The following DLG2 variants were observed in gnomAD, a reference collection of about 807,000 sequenced individuals.
The protein encoded by DLG2 is discs large MAGUK scaffold protein 2.
DLG2 carries 45 observed loss-of-function variants against 132.5 expected under a neutral mutation model. The ratio of observed to expected loss-of-function variants is 0.34; its 90% CI spans 0.27 to 0.44. The LOEUF (loss-of-function observed/expected upper bound fraction) is 0.44, where lower values mean the gene tolerates loss of function less well. Among genes scored for constraint, DLG2 ranks in the 20% least tolerant of loss-of-function variants. The probability of loss-of-function intolerance (pLI) is 1.00; values close to 1 mark genes in which losing one functional copy is unlikely to be tolerated. For missense variants in DLG2, 1,045 were observed against 1,196.9 expected (o/e 0.87, Z 1.87); for synonymous variants, 424 against 419.6 (o/e 1.01, Z -0.13).
intron 15 of DLG2, among the ~76,000 whole-genome samples, chr11:83,884,723 C>T (rs1297621888): frequency 1.3e-5 from 2 of 152,178 alleles, no homozygotes; most frequent in Non-Finnish European, 2.9e-5. Context: ...ACACCTCACA[C>T]AGCCAGATAC....
At chr11:84,662,548 C>T (rs1020381085) in intron 6 of DLG2, among the ~76,000 whole-genome samples, 1 of 151,682 alleles carries the variant, frequency 6.6e-6, no homozygotes, top group South Asian at 2.1e-4. Flanking sequence ...CTTTGGGAGG[C>T]CAAGGAGGGC....
At chr11:84,093,890 C>T (rs1214391267) in intron 10 of DLG2, among the ~76,000 whole-genome samples, 2 of 152,144 alleles carry the variant, frequency 1.3e-5, no homozygotes, top group African/African-American at 2.4e-5. Flanking sequence ...GCTGGGATTA[C>T]AGGCATGAGC....
At chr11:85,606,724 C>T (rs2080577990) in intron 2 of DLG2, among the ~76,000 whole-genome samples, 1 of 152,204 alleles carries the variant, frequency 6.6e-6, no homozygotes, top group African/African-American at 2.4e-5. Context: ...AGCTATAACA[C>T]TCACTGCGAA....
intron 3 of DLG2, among the ~76,000 whole-genome samples, chr11:85,440,734 A>C (rs895658497): frequency 2.0e-5 from 3 of 152,220 alleles, no homozygotes; most frequent in Non-Finnish European, 4.4e-5. Flanking sequence ...CTTGTCTAAC[A>C]GTATATTAAA....
At chr11:83,518,550 G>T (rs533218831) in intron 21 of DLG2, among the ~76,000 whole-genome samples, 2 of 152,264 alleles carry the variant, frequency 1.3e-5, no homozygotes, top group East Asian at 3.9e-4. Flanking sequence ...CCCGCTATCC[G>T]ACAATCCCCA....
At chr11:85,488,685 A>C (rs540018852) in intron 3 of DLG2, among the ~76,000 whole-genome samples, 1 of 152,328 alleles carries the variant, frequency 6.6e-6, no homozygotes, top group East Asian at 1.9e-4. Flanking sequence ...ATGGGCCAGA[A>C]GAGAATGGAA....
At chr11:84,938,249 C>T (rs967822528) in intron 6 of DLG2, among the ~76,000 whole-genome samples, 3 of 152,110 alleles carry the variant, frequency 2.0e-5, no homozygotes, top group Non-Finnish European at 4.4e-5. Context: ...TAGCATCTTC[C>T]ACAGGGTTCT....
chr11:84,721,934 T>C (rs568896924), intron 6 of DLG2, among the ~76,000 whole-genome samples: 1 of 152,326 alleles, frequency 6.6e-6, no homozygotes, highest in East Asian at 1.9e-4. Flanking sequence ...TTAACTTACA[T>C]AGCTTATTTC....
At chr11:84,674,304 C>A (rs192928408) in intron 6 of DLG2, among the ~76,000 whole-genome samples, 1 of 152,206 alleles carries the variant, frequency 6.6e-6, no homozygotes, top group East Asian at 1.9e-4. Flanking sequence ...AATCTCAAAT[C>A]CAATATGTCA....
intron 6 of DLG2, among the ~76,000 whole-genome samples, chr11:84,732,343 T>C (rs905151626): frequency 6.6e-6 from 1 of 152,046 alleles, no homozygotes; most frequent in Non-Finnish European, 1.5e-5. Flanking sequence ...ACTGTTAAAT[T>C]GATTTTCAAA....
upstream of DLG2, among the ~76,000 whole-genome samples, chr11:85,628,129 C>G (rs1362860607): frequency 6.6e-6 from 1 of 152,150 alleles, no homozygotes; most frequent in African/African-American, 2.4e-5. Context: ...GCTGCTCTGA[C>G]GGCGCTGGGC....
At chr11:84,601,982 T>C (rs927601487) in intron 6 of DLG2, among the ~76,000 whole-genome samples, 4 of 152,008 alleles carry the variant, frequency 2.6e-5, no homozygotes, top group South Asian at 2.1e-4. Context: ...AAGAGTAGCA[T>C]AAATTCCAGA....
At chr11:84,629,710 C>A (rs1305444565) in intron 6 of DLG2, among the ~76,000 whole-genome samples, 1 of 151,954 alleles carries the variant, frequency 6.6e-6, no homozygotes, top group African/African-American at 2.4e-5. Context: ...ATTAAGTGTT[C>A]ACATACATAC....
At chr11:85,491,878 C>A (rs1279955161) in intron 3 of DLG2, among the ~76,000 whole-genome samples, 3 of 151,912 alleles carry the variant, frequency 2.0e-5, no homozygotes, top group Admixed American at 1.3e-4. Flanking sequence ...GACATTTTCA[C>A]AGAAATAAAA....
chr11:84,047,492 A>AT (rs958396138), intron 11 of DLG2, among the ~76,000 whole-genome samples: 66 of 151,550 alleles, frequency 4.4e-4, no homozygotes, highest in African/African-American at 1.5e-3. Context: ...CCACAGCAGC[A>AT]TTTTTTTTAA....
chr11:83,911,984 G>GA (rs138378637), intron 15 of DLG2, among the ~76,000 whole-genome samples: 2,768 of 150,702 alleles, frequency 0.018, 91 homozygotes, highest in African/African-American at 0.063. Flanking sequence ...TAGAGCAATG[G>GA]AAAAAAAAGA....
At chr11:84,278,621 G>C (rs1567161468) in intron 7 of DLG2, among the ~76,000 whole-genome samples, 1 of 151,950 alleles carries the variant, frequency 6.6e-6, no homozygotes, top group Non-Finnish European at 1.5e-5. Context: ...ATATAAAAAG[G>C]ATAATGCATC....
chr11:84,688,792 A>T (rs921066841), intron 6 of DLG2, among the ~76,000 whole-genome samples: 2 of 152,140 alleles, frequency 1.3e-5, no homozygotes, highest in South Asian at 4.1e-4. Context: ...GTGTCTGTAC[A>T]TCTCTACAGT....
At chr11:84,159,327 G>A (rs1002887618) in intron 9 of DLG2, among the ~76,000 whole-genome samples, 1 of 152,086 alleles carries the variant, frequency 6.6e-6, no homozygotes, top group Non-Finnish European at 1.5e-5. Context: ...ATAATAAAAT[G>A]GGAAAAAAGA....
Sources: gnomAD v4.1 joint callset for allele counts (sites outside exome capture counted in the v4.1 genomes callset) on GRCh38, gnomAD v4.1.1 for gene constraint, MANE v1.5 for transcripts, NCBI Gene and HGNC (gene_info 2026-07-23, HGNC 2026-07-21) for gene names.